MAP3K2: variants seen among roughly 807,000 people sequenced by gnomAD.
MAP3K2 encodes the protein MAP/ERK kinase kinase 2.
MAP3K2 carries 24 observed loss-of-function variants against 80.3 expected under a neutral mutation model. That is an observed-to-expected ratio of 0.30 (90% confidence interval 0.22 to 0.42). MAP3K2 has a LOEUF of 0.42. Among genes scored for constraint, MAP3K2 ranks in the 10% least tolerant of loss-of-function variants. MAP3K2 has a pLI of 1.00. For synonymous variants in MAP3K2, 244 were observed against 253.7 expected (o/e 0.96, Z 0.36); for missense variants, 608 against 750.1 (o/e 0.81, Z 2.21).
intron 2 of MAP3K2, among the ~76,000 whole-genome samples, chr2:127,342,579 G>A (rs1686516969): frequency 1.3e-5 from 2 of 152,182 alleles, no homozygotes; most frequent in South Asian, 4.2e-4. Flanking sequence ...TGGGCCATTC[G>A]TGACTCCATT....
At chr2:127,382,863 A>G (rs138613994) in intron 1 of MAP3K2, among the ~76,000 whole-genome samples, 247 of 152,342 alleles carry the variant, frequency 1.6e-3, no homozygotes, top group African/African-American at 5.2e-3. Context: ...TTCAATCTGC[A>G]GATTGCTTTG....
rs1686932820 is a variant in MAP3K2 at position 127,364,097 on chromosome 2, T to TTCA, written c.-65-20906_-65-20904dup. 6.6e-6 allele frequency among the ~76,000 whole-genome samples: 1 copy of TTCA among 152,192 alleles called. No homozygotes were observed. The highest frequency in any genetic ancestry group is 2.4e-5 in the African/African-American group (1 of 41,434). ...ATAACATAATATAGCACACATATGTTTCAGTCAATCTAACCTATCTGCTTT... is the reference window on the plus strand; with the variant it reads ...ATAACATAATATAGCACACATATGTTTCATCAGTCAATCTAACCTATCTGCTTT... On this transcript the variant is annotated intron_variant, in intron 1 of 16. Transcript: ENST00000682094. This position sits in a 1 kb window ranked among gnomAD's most constrained non-coding sequence, Gnocchi z 4.1.
At chr2:127,385,593 G>A (rs1687329821) in intron 1 of MAP3K2, among the ~76,000 whole-genome samples, 2 of 152,086 alleles carry the variant, frequency 1.3e-5, no homozygotes, top group Non-Finnish European at 2.9e-5. Context: ...AAGCAAATAT[G>A]GCAAGATAAC....
chr2:127,361,866 G>A (rs1167602932), intron 1 of MAP3K2, among the ~76,000 whole-genome samples: 3 of 152,138 alleles, frequency 2.0e-5, no homozygotes, highest in Non-Finnish European at 1.5e-5. Flanking sequence ...ACAAACCCAT[G>A]TCCTTGTTTA....
At chr2:127,333,650 A>G (rs1281298448) in intron 5 of MAP3K2, among the ~76,000 whole-genome samples, 2 of 152,200 alleles carry the variant, frequency 1.3e-5, no homozygotes, top group Non-Finnish European at 2.9e-5. Context: ...TCTTAAATGT[A>G]ATCTTATCCT....
intron 1 of MAP3K2, among the ~76,000 whole-genome samples, chr2:127,346,483 A>G (rs1573995841): frequency 6.6e-6 from 1 of 151,778 alleles, no homozygotes; most frequent in Admixed American, 6.6e-5. Context: ...CCAATACCAA[A>G]ACCAGACAAA....
intron 1 of MAP3K2, among the ~76,000 whole-genome samples, chr2:127,372,046 G>A (rs996403996): frequency 5.3e-5 from 8 of 152,132 alleles, no homozygotes; most frequent in East Asian, 1.9e-4. Context: ...ACTCTGCCCC[G>A]ATGAATTAGT....
rs975350397 is a variant in MAP3K2 at position 127,370,553 on chromosome 2, A to G, written c.-66+16899T>C. Among the ~76,000 whole-genome samples, 6 of 152,212 alleles carry G rather than the reference A, an allele frequency of 3.9e-5. 1 individual carries two copies. Among genetic ancestry groups the G allele is most frequent in the Admixed American group, 2.6e-4 (4 of 15,282 alleles). On this transcript the variant is annotated intron_variant, in intron 1 of 16. Transcript: ENST00000682094. ...TATCAGCTCAACAGAAACAGTATAT[A>G]AAAGTATTTAAAAAGCTGCTTAAAG...
rs996348581 is a variant in MAP3K2, at chr2:127,304,681, CATT to C, written c.*2895_*2897del. On this transcript the variant is annotated 3_prime_UTR_variant, in exon 17 of 17. Transcript: ENST00000682094. ...TCAAATTGCATTTGTTGATCCATAT[CATT>C]ATTAGAAAGAAGAAAAAAACGGAGT... The C allele has an allele frequency of 4.5e-4, 68 of 152,660 alleles. No individual in the cohort carries two copies. Among genetic ancestry groups the C allele is most frequent in the African/African-American group, 1.4e-3 (59 of 41,570 alleles). The allele number at this position is 152,660 out of a possible 1,614,324, so 9.5% of individuals were successfully genotyped here. A position where few individuals can be genotyped will look rare whatever the true frequency, so the allele number is the denominator to read the frequency against.
intron 1 of MAP3K2, among the ~76,000 whole-genome samples, chr2:127,386,942 T>C (rs1416614507): frequency 2.0e-5 from 3 of 152,154 alleles, no homozygotes; most frequent in South Asian, 2.1e-4. Flanking sequence ...AGTTTTCACC[T>C]GCAAAATGGG....
intron 1 of MAP3K2, among the ~76,000 whole-genome samples, chr2:127,356,391 T>A (rs1254290153): frequency 3.3e-5 from 5 of 151,564 alleles, no homozygotes; most frequent in Non-Finnish European, 5.9e-5. Flanking sequence ...CAATATACTG[T>A]AGTCTACTAA....
intron 1 of MAP3K2, among the ~76,000 whole-genome samples, chr2:127,376,257 T>C (rs1385443332): frequency 7.2e-6 from 1 of 138,930 alleles, no homozygotes; most frequent in Non-Finnish European, 1.5e-5. Context: ...CTAGATAAGT[T>C]TACTTAGACC....
At position 127,317,769 on chromosome 2, in the gene MAP3K2, G is replaced by C. The variant is rs774242141; in HGVS notation, c.1195-9C>G. 7.5e-6 allele frequency: 12 copies of C among 1,595,966 alleles called. No homozygotes were observed. The African/African-American group carries it at 9.4e-5, about 12-fold the overall frequency. Reference sequence around the variant, plus strand: ...TCAAGTGCATTTACTTCCTGAAAGAGAGAATTCATTGTTAAGTCTTCAACA... The same window carrying C: ...TCAAGTGCATTTACTTCCTGAAAGACAGAATTCATTGTTAAGTCTTCAACA... On this transcript the variant is annotated splice_polypyrimidine_tract_variant and intron_variant, in intron 13 of 16. Transcript: ENST00000682094.
chr2:127,339,702 A>T lies in MAP3K2; in HGVS notation c.5-652T>A, dbSNP rs1389441963. Among the ~76,000 whole-genome samples, 2 of 152,236 alleles carry T rather than the reference A, an allele frequency of 1.3e-5. No homozygotes were observed. The highest frequency in any genetic ancestry group is 2.9e-5 in the Non-Finnish European group (2 of 68,026). On this transcript the variant is annotated intron_variant, in intron 2 of 16. Coordinates refer to ENST00000682094, the MANE Select transcript of MAP3K2 (RefSeq NM_001371910.2). The surrounding 1 kb of genome is among the most constrained non-coding windows in gnomAD (Gnocchi z 4.2). ...CATAAAACTGAGAGAAAGCATCATGAACATGAACTTTTAGACTCTTATAAA... is the reference window on the plus strand; with the variant it reads ...CATAAAACTGAGAGAAAGCATCATGTACATGAACTTTTAGACTCTTATAAA...
intron 3 of MAP3K2, 117 bp downstream of exon 3, chr2:127,338,815 C>T: frequency 1.5e-6 from 1 of 686,296 alleles, no homozygotes; most frequent in Admixed American, 2.9e-5. Flanking sequence ...GTGTAACAAA[C>T]ACTAACAAAA....
At chr2:127,326,855 C>A in intron 7 of MAP3K2, 38 bp from the exon 8 acceptor site, 2 of 1,391,206 alleles carry the variant, frequency 1.4e-6, no homozygotes, top group Non-Finnish European at 1.9e-6. Context: ...TAATTATAGG[C>A]AAGGGAATCA....
At chr2:127,333,147 A>T (rs1686292196) in intron 5 of MAP3K2, among the ~76,000 whole-genome samples, 2 of 151,250 alleles carry the variant, frequency 1.3e-5, no homozygotes, top group Admixed American at 1.3e-4. Context: ...AAAAAAAAAA[A>T]AATTCCTGCT....
At chr2:127,383,313 C>G (rs893362700) in intron 1 of MAP3K2, among the ~76,000 whole-genome samples, 3 of 152,190 alleles carry the variant, frequency 2.0e-5, no homozygotes, top group Admixed American at 2.0e-4. Flanking sequence ...TTCTTCCAAT[C>G]AACGAGTATG....
At chr2:127,328,106 C>T (rs1183889948) in intron 7 of MAP3K2, among the ~76,000 whole-genome samples, 2 of 152,132 alleles carry the variant, frequency 1.3e-5, no homozygotes, top group Non-Finnish European at 2.9e-5. Context: ...GAAACCCCAT[C>T]TCTACTAAAA....
Sources: gnomAD v4.1 joint callset for allele counts (sites outside exome capture counted in the v4.1 genomes callset) on GRCh38, gnomAD v4.1.1 for gene constraint, Gnocchi (gnomAD v3.1) non-coding constraint, MANE v1.5 for transcripts, NCBI Gene and HGNC (gene_info 2026-07-23, HGNC 2026-07-21) for gene names.